Variants in RABL6 observed in about 807,000 individuals in gnomAD.
The protein encoded by RABL6 is rab-like protein 6.
A neutral mutation model predicts 72.9 loss-of-function variants in RABL6; 28 were observed. The observed-to-expected ratio is 0.38, with a 90% CI of 0.28 to 0.53. The LOEUF (loss-of-function observed/expected upper bound fraction) is 0.53, where lower values mean the gene tolerates loss of function less well. RABL6 is among the 20% of genes least tolerant of loss of function. The probability of loss-of-function intolerance (pLI) is 0.80; values close to 1 mark genes in which losing one functional copy is unlikely to be tolerated. For missense variants in RABL6, 1,029 were observed against 1,008.4 expected, an observed-to-expected ratio of 1.02 and a Z score of -0.28; for synonymous variants, 477 against 421.2, an observed-to-expected ratio of 1.13 and a Z score of -1.62.
At position 136,840,788 on chromosome 9, in the gene RABL6, G is replaced by A. The variant is rs574981369; in HGVS notation, c.*266G>A. 258 of 1,547,724 alleles carry A rather than the reference G, an allele frequency of 1.7e-4. 1 individual carries two copies. The African/African-American group carries it at 3.2e-3, about 19-fold the overall frequency. ...GACACCCTGGCCCTCTCGGGGCAGA[G>A]CCGCCAGTGTTTCTCAGGGATGTGA... On this transcript the variant is annotated 3_prime_UTR_variant, in exon 15 of 15. Coordinates refer to ENST00000311502, the MANE Select transcript of RABL6 (RefSeq NM_024718.5).
At position 136,840,483 on chromosome 9, in the gene RABL6, C is replaced by T. The variant is rs1177257599; in HGVS notation, c.2151C>T (p.Gly717=). The change falls in exon 15 of 15, where the codon GGC becomes GGT. Residue 717 remains glycine (G), a synonymous_variant. Coordinates refer to ENST00000311502, the MANE Select transcript of RABL6 (RefSeq NM_024718.5). ...LEAFLGGGAP[G]GRHPGGGDYE... is the part of the protein sequence containing the mutation. ...CTTTCCTGGGGGGCGGGGCCCCGGG[C>T]GGCCGCCACCCTGGGGGTGGCGACT... The T allele has an allele frequency of 2.8e-5, 43 of 1,525,372 alleles. No homozygotes were observed. The highest frequency in any genetic ancestry group is 1.2e-4 in the East Asian group (5 of 40,640). The allele number at this position is 1,525,372 out of a possible 1,614,324, so 94.5% of individuals were successfully genotyped here. A position where few individuals can be genotyped will look rare whatever the true frequency, so the allele number is the denominator to read the frequency against.
intron 3 of RABL6, chr9:136,828,164 G>T: frequency 7.6e-6 from 2 of 262,800 alleles, no homozygotes; most frequent in South Asian, 6.3e-5. Context: ...GAGCTGGGGG[G>T]AGGGGGCCCT....
Position 136,826,191 on chromosome 9 carries a change from G to T in RABL6, c.313+365G>T, listed in dbSNP as rs1848352767. Among the ~76,000 whole-genome samples the T allele has an allele frequency of 6.6e-6, 1 of 152,188 alleles. No individual in the cohort carries two copies. The highest frequency in any genetic ancestry group is 6.5e-5 in the Admixed American group (1 of 15,290). On this transcript the variant is annotated intron_variant, in intron 3 of 14. Coordinates refer to ENST00000311502, the MANE Select transcript of RABL6 (RefSeq NM_024718.5). The surrounding 1 kb of genome is among the most constrained non-coding windows in gnomAD (Gnocchi z 4.9). ...AGCACCAGGCGGCCCCCTGCCCATAGCTGAGGACCCAGCTCCTGCGCTCCT... is the reference window on the plus strand; with the variant it reads ...AGCACCAGGCGGCCCCCTGCCCATATCTGAGGACCCAGCTCCTGCGCTCCT...
chr9:136,813,337 G>C, intron 1 of RABL6: 1 of 741,730 alleles, frequency 1.3e-6, no homozygotes, highest in South Asian at 1.5e-5. Flanking sequence ...GATAAAAGTT[G>C]CCTTGTCTCA....
At chr9:136,822,078 G>A in intron 1 of RABL6, 2 of 1,288,232 alleles carry the variant, frequency 1.6e-6, no homozygotes, top group South Asian at 2.5e-5. Flanking sequence ...TAGAGGGAGG[G>A]GACTGGGCCA....
In RABL6 at chr9:136,808,102, G is replaced by GGCCGGGGCC; in HGVS notation, c.-88_-80dup. On this transcript the variant is annotated 5_prime_UTR_variant, in exon 1 of 15. Coordinates refer to ENST00000311502, the MANE Select transcript of RABL6 (RefSeq NM_024718.5). The stretch of plus-strand genomic sequence containing the variant: ...CCGCGCCGGCTCCGGCCTCCGGGGG[G>GGCCGGGGCC]GCCGGGGCCGCCGGGACATGGTGCC... The GGCCGGGGCC allele has an allele frequency of 7.7e-7, 1 of 1,291,040 alleles. No homozygotes were observed. Among genetic ancestry groups the GGCCGGGGCC allele is most frequent in the East Asian group, 3.7e-5 (1 of 26,772 alleles). 80.0% of individuals were successfully genotyped at this position (1,291,040 alleles called of 1,614,324 possible). A position where few individuals can be genotyped will look rare whatever the true frequency, so the allele number is the denominator to read the frequency against.
chr9:136,835,136 C>T (rs1235617076), intron 7 of RABL6: 3 of 152,108 alleles, frequency 2.0e-5, no homozygotes, highest in East Asian at 1.9e-4. Context: ...CGGTGGCTCC[C>T]GACTGTCATC....
At chr9:136,824,577 C>T (rs1848312677) in intron 2 of RABL6, among the ~76,000 whole-genome samples, 2 of 151,838 alleles carry the variant, frequency 1.3e-5, no homozygotes, top group Middle Eastern at 6.8e-3. Context: ...GATTCACCCA[C>T]GTTGGGCTCC....
chr9:136,834,131 CTT>C (rs1179162088), intron 7 of RABL6: 9 of 1,312,394 alleles, frequency 6.9e-6, no homozygotes, highest in South Asian at 2.7e-5. Flanking sequence ...CCTGTTTCCT[CTT>C]TGTCTTGCCC....
chr9:136,829,182 C>G (rs978787649), intron 4 of RABL6, among the ~76,000 whole-genome samples: 3 of 152,258 alleles, frequency 2.0e-5, no homozygotes, highest in Admixed American at 2.0e-4. Context: ...GAGGCTTGTT[C>G]AGGGAGCCAT....
intron 5 of RABL6, among the ~76,000 whole-genome samples, chr9:136,830,475 AC>A (rs1321202758): frequency 6.6e-6 from 1 of 152,194 alleles, no homozygotes; most frequent in African/African-American, 2.4e-5. Context: ...TGGCAGGAGA[AC>A]CACACACGGG....
At chr9:136,808,985 C>G (rs557664664) in intron 1 of RABL6, 1 of 152,198 alleles carries the variant, frequency 6.6e-6, no homozygotes, top group Non-Finnish European at 1.5e-5. Flanking sequence ...ACGCTCCATT[C>G]CTTTGTTATA....
At chr9:136,830,158 C>T (rs1324142014) in intron 5 of RABL6, among the ~76,000 whole-genome samples, 1 of 152,272 alleles carries the variant, frequency 6.6e-6, no homozygotes, top group African/African-American at 2.4e-5. Context: ...GCATGCCCGA[C>T]ACGTCCAGGC....
chr9:136,832,795 C>T (rs191188076), intron 7 of RABL6: 36 of 326,330 alleles, frequency 1.1e-4, no homozygotes, highest in African/African-American at 5.8e-4. Flanking sequence ...GAGGTACTCG[C>T]TGTTCACATC....
chr9:136,808,416 C>T, intron 1 of RABL6, 90 bp downstream of exon 1: 1 of 1,284,538 alleles, frequency 7.8e-7, no homozygotes, highest in Non-Finnish European at 1.0e-6. Flanking sequence ...GTGTCGGTCT[C>T]ACCTGCTTGC....
chr9:136,840,444 C>G lies in RABL6; in HGVS notation c.2112C>G (p.Ala704=), dbSNP rs751035810. ...CGCGCAGCAGGGAGAGGACGGCTGC[C>G]GATGAGCTGGAGGCTTTCCTGGGGG... ...RPPRSRERTA[A]DELEAFLGGG... The change falls in exon 15 of 15, where the codon GCC becomes GCG. Residue 704 remains alanine (A), a synonymous_variant. Coordinates refer to ENST00000311502, the MANE Select transcript of RABL6 (RefSeq NM_024718.5). 8.9e-5 allele frequency: 137 copies of G among 1,547,272 alleles called. No individual in the cohort carries two copies. Among genetic ancestry groups the G allele is most frequent in the Middle Eastern group, 1.8e-4 (1 of 5,628 alleles).
chr9:136,828,434 C>G (rs546566272), intron 3 of RABL6, 60 bp from the exon 4 acceptor site: 2 of 1,568,468 alleles, frequency 1.3e-6, no homozygotes, highest in African/African-American at 1.4e-5. Context: ...GGACCATGCT[C>G]CTCCTATGGC....
Position 136,840,498 on chromosome 9 carries a change from G to A in RABL6, c.2166G>A (p.Gly722=), listed in dbSNP as rs1352396313. ...GGGAPGGRHP[G]GGDYEEL ...GGGCCCCGGGCGGCCGCCACCCTGG[G>A]GGTGGCGACTACGAGGAGCTCTAGG... The change falls in exon 15 of 15, where the codon GGG becomes GGA. Residue 722 remains glycine, a synonymous_variant. Transcript: ENST00000311502. The A allele has an allele frequency of 1.8e-5, 28 of 1,529,936 alleles. No individual in the cohort carries two copies. Among genetic ancestry groups the A allele is most frequent in the Non-Finnish European group, 2.4e-5 (27 of 1,139,794 alleles). The allele number at this position is 1,529,936 out of a possible 1,614,324, so 94.8% of individuals were successfully genotyped here. A position where few individuals can be genotyped will look rare whatever the true frequency, so the allele number is the denominator to read the frequency against.
In RABL6 at chr9:136,822,025, C is replaced by T. The variant is rs565152765; in HGVS notation, c.131-1500C>T. The T allele has an allele frequency of 1.1e-4, 139 of 1,289,644 alleles. No individual in the cohort carries two copies. The African/African-American group carries it at 1.9e-3, about 18-fold the overall frequency. The allele number at this position is 1,289,644 out of a possible 1,614,324, so 79.9% of individuals were successfully genotyped here. On this transcript the variant is annotated intron_variant, in intron 1 of 14. Transcript: ENST00000311502. The stretch of plus-strand genomic sequence containing the variant: ...TAGGATGGGCGAGGAAATGAACAAG[C>T]TTCAGGGGAGAAGAAATGACTGTGG...
Sources: gnomAD v4.1 joint callset for allele counts (sites outside exome capture counted in the v4.1 genomes callset) on GRCh38, gnomAD v4.1.1 for gene constraint, Gnocchi (gnomAD v3.1) non-coding constraint, MANE v1.5 for transcripts, NCBI Gene and HGNC (gene_info 2026-07-23, HGNC 2026-07-21) for gene names.